The following ERCC6L2 variants were observed in gnomAD, a reference collection of about 807,000 sequenced individuals.
ERCC6L2 encodes the protein DNA excision repair protein ERCC-6-like 2.
ERCC6L2 carries 77 observed loss-of-function variants against 132.0 expected under a neutral mutation model. The observed-to-expected ratio is 0.58, with a 90% CI of 0.49 to 0.71. ERCC6L2 has a LOEUF of 0.71. Among genes scored for constraint, ERCC6L2 ranks in the 30% least tolerant of loss-of-function variants. ERCC6L2 has a pLI of 0.00. For missense variants in ERCC6L2, 1,542 were observed against 1,837.6 expected, an observed-to-expected ratio of 0.84 and a Z score of 2.94; for synonymous variants, 583 against 632.4, an observed-to-expected ratio of 0.92 and a Z score of 1.17.
chr9:96,013,666 T>C lies in ERCC6L2; in HGVS notation c.*463T>C, dbSNP rs906346663. ...AAATCAGGTGTATACCAATGTGTTT[T>C]TTACTAGCACTTGGGAAAGTTATTA... On this transcript the variant is annotated 3_prime_UTR_variant, in exon 19 of 19. Coordinates refer to ENST00000653738, the MANE Select transcript of ERCC6L2 (RefSeq NM_020207.7). The C allele has an allele frequency of 4.6e-5, 7 of 152,524 alleles. No homozygotes were observed. Among genetic ancestry groups the C allele is most frequent in the African/African-American group, 1.4e-4 (6 of 41,448 alleles). 9.4% of individuals were successfully genotyped at this position (152,524 alleles called of 1,614,324 possible). A position where few individuals can be genotyped will look rare whatever the true frequency, so the allele number is the denominator to read the frequency against.
intron 19 of ERCC6L2, among the ~76,000 whole-genome samples, chr9:96,033,309 G>A (rs1834483632): frequency 6.6e-6 from 1 of 151,412 alleles, no homozygotes; most frequent in African/African-American, 2.4e-5. Flanking sequence ...GCAATGGTGT[G>A]GTCTCAGCTC....
chr9:95,912,998 C>CT (rs1829413574), intron 4 of ERCC6L2, among the ~76,000 whole-genome samples: 1 of 152,158 alleles, frequency 6.6e-6, no homozygotes, highest in Non-Finnish European at 1.5e-5. Flanking sequence ...GGTTGTTTCA[C>CT]TGTCAGTGAT....
intron 12 of ERCC6L2, among the ~76,000 whole-genome samples, chr9:95,945,570 C>T (rs1455641458): frequency 2.0e-5 from 3 of 152,264 alleles, no homozygotes; most frequent in Non-Finnish European, 1.5e-5. Flanking sequence ...GAAATCTTCA[C>T]AATTTATGTT....
rs1564306540 is a variant in ERCC6L2 at position 96,015,014 on chromosome 9, A to AATTTTT, written c.*1811_*1812insATTTTT. ...AGCTCTATAGTCTTCATATATGTAC[A>AATTTTT]GTTTTTTTTTTTTTTTTTTTTTTTT... is the stretch of plus-strand genomic sequence containing the variant. On this transcript the variant is annotated 3_prime_UTR_variant, in exon 19 of 19. Coordinates refer to ENST00000653738, the MANE Select transcript of ERCC6L2 (RefSeq NM_020207.7). Among the ~76,000 whole-genome samples, 1 of 66,150 alleles carries AATTTTT rather than the reference A, an allele frequency of 1.5e-5. No homozygotes were observed. The highest frequency in any genetic ancestry group is 7.7e-5 in the African/African-American group (1 of 12,922). 43.4% of individuals were successfully genotyped at this position (66,150 alleles called of 152,430 possible). A position where few individuals can be genotyped will look rare whatever the true frequency, so the allele number is the denominator to read the frequency against.
At chr9:95,991,178 G>A (rs1266613787) in intron 17 of ERCC6L2, among the ~76,000 whole-genome samples, 3 of 151,986 alleles carry the variant, frequency 2.0e-5, no homozygotes, top group African/African-American at 7.3e-5. Flanking sequence ...GGAAAAACGG[G>A]GTCAGCTGTT....
rs11315428 is a variant in ERCC6L2 at position 95,999,895 on chromosome 9, ATT to A, written c.3493-4612_3493-4611del. On this transcript the variant is annotated intron_variant, in intron 17 of 18. Coordinates refer to ENST00000653738, the MANE Select transcript of ERCC6L2 (RefSeq NM_020207.7). ...CTTTCTATTAATGTTTTAAGATACA[ATT>A]TTTTTTTTTTTTGAGACAGTCTCAC... is the stretch of plus-strand genomic sequence containing the variant. Among the ~76,000 whole-genome samples the A allele has an allele frequency of 8.0e-3, 1,139 of 142,504 alleles. 14 individuals carry two copies. Among genetic ancestry groups the A allele is most frequent in the African/African-American group, 0.026 (998 of 38,152 alleles). 93.5% of individuals were successfully genotyped at this position (142,504 alleles called of 152,430 possible). A position where few individuals can be genotyped will look rare whatever the true frequency, so the allele number is the denominator to read the frequency against.
At chr9:95,928,997 C>T (rs1463500213) in intron 11 of ERCC6L2, 133 bp downstream of exon 11, 23 of 575,126 alleles carry the variant, frequency 4.0e-5, no homozygotes, top group Non-Finnish European at 3.6e-5. Context: ...CTATTATGAC[C>T]GAAATTTCAA....
chr9:95,970,690 C>G (rs764597815), intron 15 of ERCC6L2, 34 bp downstream of exon 15: 28 of 1,249,636 alleles, frequency 2.2e-5, no homozygotes, highest in Middle Eastern at 2.2e-4. Context: ...ACTACAACAC[C>G]TAGAAAACAT....
intron 10 of ERCC6L2, 200 bp downstream of exon 10, chr9:95,928,350 A>T: frequency 6.7e-6 from 3 of 450,610 alleles, no homozygotes; most frequent in Non-Finnish European, 1.2e-5. Flanking sequence ...TCAAACTCAA[A>T]GATAGATTTT....
At chr9:95,973,284 C>T (rs534740338) in intron 16 of ERCC6L2, among the ~76,000 whole-genome samples, 196 bp downstream of exon 16, 6 of 152,254 alleles carry the variant, frequency 3.9e-5, no homozygotes, top group Admixed American at 2.0e-4. Flanking sequence ...GCCATCTACC[C>T]CAGGACCCCC....
intron 12 of ERCC6L2, among the ~76,000 whole-genome samples, chr9:95,948,246 C>T (rs1455553367): frequency 6.6e-6 from 1 of 152,140 alleles, no homozygotes; most frequent in African/African-American, 2.4e-5. Flanking sequence ...TCATGGATGA[C>T]TTTGAGGAGT....
chr9:95,912,214 C>T (rs1268844928), intron 4 of ERCC6L2, among the ~76,000 whole-genome samples: 5 of 152,168 alleles, frequency 3.3e-5, no homozygotes, highest in South Asian at 2.1e-4. Flanking sequence ...CTGCTTTTGT[C>T]AGCCATCTTG....
chr9:95,921,296 G>A lies in ERCC6L2; in HGVS notation c.1280G>A (p.Arg427Lys). ...EPCTCRSGQK[R>K]RNCCYKTNSH... ...TGTACCTGTAGGAGTGGCCAAAAAA[G>A]GAGAAATTGTTGTTATAAGGCAAGC... is the stretch of plus-strand genomic sequence containing the variant. The change falls in exon 7 of 19, where the codon AGG becomes AAG. Residue 427 changes from arginine to lysine, a missense_variant. Arg to Lys is a conservative substitution (Grantham distance 26, BLOSUM62 2). Transcript: ENST00000653738. 1 of 1,611,406 alleles carries A rather than the reference G, an allele frequency of 6.2e-7. No individual in the cohort carries two copies. The highest frequency in any genetic ancestry group is 2.2e-5 in the East Asian group (1 of 44,704).
At chr9:95,886,600 A>G (rs185506319) in intron 2 of ERCC6L2, among the ~76,000 whole-genome samples, 8 of 152,220 alleles carry the variant, frequency 5.3e-5, no homozygotes, top group Non-Finnish European at 1.5e-5. Context: ...CATTTGTTCA[A>G]TTGGTTGACA....
chr9:95,920,957 A>C (rs984663972), intron 6 of ERCC6L2, among the ~76,000 whole-genome samples: 1 of 152,160 alleles, frequency 6.6e-6, no homozygotes, highest in African/African-American at 2.4e-5. Context: ...TTGTATTTTT[A>C]GTAGAGATGA....
chr9:95,906,944 T>C, intron 3 of ERCC6L2, 134 bp from the exon 4 acceptor site: 1 of 646,920 alleles, frequency 1.5e-6, no homozygotes, highest in Non-Finnish European at 2.7e-6. Flanking sequence ...AGCTAATCAC[T>C]CAGTTGTATT....
chr9:95,903,563 G>A (rs1828882150), intron 3 of ERCC6L2, among the ~76,000 whole-genome samples: 6 of 151,916 alleles, frequency 3.9e-5, no homozygotes. Context: ...GATCTGGTTT[G>A]TAACTTTCTG....
chr9:95,889,762 C>T (rs1478733923), intron 2 of ERCC6L2, among the ~76,000 whole-genome samples: 2 of 151,994 alleles, frequency 1.3e-5, no homozygotes, highest in Non-Finnish European at 2.9e-5. Context: ...CTTATTTACA[C>T]CATCAAGGAA....
intron 12 of ERCC6L2, among the ~76,000 whole-genome samples, chr9:95,955,241 A>G (rs1288181572): frequency 6.6e-6 from 1 of 152,210 alleles, no homozygotes; most frequent in Non-Finnish European, 1.5e-5. Flanking sequence ...CACCTCATCT[A>G]CGGATGAGAA....
Sources: gnomAD v4.1 joint callset for allele counts (sites outside exome capture counted in the v4.1 genomes callset) on GRCh38, gnomAD v4.1.1 for gene constraint, MANE v1.5 for transcripts, NCBI Gene and HGNC (gene_info 2026-07-23, HGNC 2026-07-21) for gene names.